Variants in GPHN observed in about 807,000 individuals in gnomAD.
GPHN encodes gephyrin.
A neutral mutation model predicts 95.5 loss-of-function variants in GPHN; 17 were observed. The ratio of observed to expected loss-of-function variants is 0.18; its 90% confidence interval spans 0.12 to 0.27. The LOEUF is 0.27. Among genes scored for constraint, GPHN ranks in the 10% least tolerant of loss-of-function variants. The pLI is 1.00. For missense variants in GPHN, 660 were observed against 978.1 expected (o/e 0.67, Z 4.34); for synonymous variants, 320 against 322.5 (o/e 0.99, Z 0.08).
intron 9 of GPHN, among the ~76,000 whole-genome samples, chr14:66,997,262 G>A (rs946817252): frequency 6.6e-6 from 1 of 151,722 alleles, no homozygotes. Flanking sequence ...AGCTACTCGA[G>A]AGGCTGAGGC....
chr14:67,663,546 C>T, the GPHN span, among the ~76,000 whole-genome samples: 8 of 151,512 alleles, frequency 5.3e-5, no homozygotes, highest in South Asian at 4.2e-4. Flanking sequence ...TGGTGGTGGG[C>T]GCCTGTATTC....
chr14:66,911,117 C>T (rs575657765), intron 5 of GPHN, among the ~76,000 whole-genome samples: 2 of 151,874 alleles, frequency 1.3e-5, no homozygotes, highest in African/African-American at 4.8e-5. Flanking sequence ...TATATAAGCA[C>T]CACATGGATG....
chr14:66,965,219 T>G lies in GPHN; in HGVS notation c.857T>G (p.Val286Gly), dbSNP rs988238172. 2 of 1,610,540 alleles carry G rather than the reference T, an allele frequency of 1.2e-6. No homozygotes were observed. The highest frequency in any genetic ancestry group is 1.7e-6 in the Non-Finnish European group (2 of 1,176,744). ...CCAGACTCCATCATTTCTCGTGGTG[T>G]TCAGGTGCTCCCACGAGACACAGCC... ...RIPDSIISRG[V>G]QVLPRDTASL... The change falls in exon 9 of 23, where the codon GTT becomes GGT. Residue 286 changes from valine to glycine, a missense_variant. By Grantham distance (109) the Val-to-Gly change is moderately radical. Around this residue, in one of 6 missense-constraint regions of GPHN, gnomAD observed 190 missense variants for 224.7 expected, o/e 0.85. Transcript: ENST00000478722.
intron 1 of GPHN, among the ~76,000 whole-genome samples, chr14:66,645,321 A>G (rs1319398856): frequency 6.6e-6 from 1 of 152,164 alleles, no homozygotes; most frequent in African/African-American, 2.4e-5. Context: ...ATTTATCCAG[A>G]TGAGTTTTTC....
chr14:67,134,035 C>T (rs1049032209), intron 17 of GPHN, among the ~76,000 whole-genome samples: 2 of 152,176 alleles, frequency 1.3e-5, no homozygotes, highest in African/African-American at 4.8e-5. Context: ...TCCCTCTATG[C>T]TTCAGTTTAT....
the GPHN span, among the ~76,000 whole-genome samples, chr14:67,639,924 CAAAAAAAAAAAA>C: frequency 1.6e-5 from 1 of 61,832 alleles, no homozygotes; most frequent in Non-Finnish European, 2.9e-5. Context: ...GACCCTGTCT[CAAAAAAAAAAAA>C]AAAAAAAAAA....
At chr14:66,910,472 A>G (rs1487160365) in intron 5 of GPHN, among the ~76,000 whole-genome samples, 1 of 151,968 alleles carries the variant, frequency 6.6e-6, no homozygotes, top group Admixed American at 6.6e-5. Context: ...TACAAACACT[A>G]TGGAAAATTA....
chr14:66,541,748 A>G lies in GPHN; in HGVS notation c.64+33157A>G, dbSNP rs184663525. 2.6e-3 allele frequency among the ~76,000 whole-genome samples: 399 copies of G among 152,322 alleles called. 3 individuals carry two copies. The highest frequency in any genetic ancestry group is 9.4e-3 in the African/African-American group (391 of 41,570). ...GGCCTGGTAAAATAGTTTAACTTTT[A>G]GTTTTGCATTAGGTTCATCCTTTTG... is the stretch of plus-strand genomic sequence containing the variant. On this transcript the variant is annotated intron_variant, in intron 1 of 22. Coordinates refer to ENST00000478722, the MANE Select transcript of GPHN (RefSeq NM_020806.5).
the GPHN span, among the ~76,000 whole-genome samples, chr14:67,243,354 A>G: frequency 1.4e-5 from 2 of 147,670 alleles, no homozygotes; most frequent in Non-Finnish European, 3.0e-5. Context: ...CACCTGGCTA[A>G]TTTTTGTATT....
chr14:67,673,293 G>A, the GPHN span, among the ~76,000 whole-genome samples: 4 of 151,996 alleles, frequency 2.6e-5, no homozygotes, highest in Non-Finnish European at 4.4e-5. Flanking sequence ...GCAGTGAGCC[G>A]AGATCGTGCC....
intron 9 of GPHN, among the ~76,000 whole-genome samples, chr14:67,010,574 GA>G (rs369497398): frequency 1.2e-4 from 17 of 144,164 alleles, no homozygotes; most frequent in East Asian, 4.0e-4. Context: ...AAAAAAGAAA[GA>G]AAAAAAAGAA....
At chr14:67,600,006 G>A in the GPHN span, 5 of 1,542,694 alleles carry the variant, frequency 3.2e-6, no homozygotes, top group East Asian at 9.8e-5. Flanking sequence ...GCGCGGGGAG[G>A]GGCCGACTTG....
At chr14:67,724,122 G>A in the GPHN span, among the ~76,000 whole-genome samples, 4 of 152,208 alleles carry the variant, frequency 2.6e-5, no homozygotes, top group African/African-American at 7.2e-5. Context: ...TTGAATGTAG[G>A]TTAGAGGGGA....
rs148016581 is a variant in GPHN, at chr14:66,582,269, C to T, written c.64+73678C>T. Among the ~76,000 whole-genome samples the T allele has an allele frequency of 5.1e-3, 768 of 151,740 alleles. 9 individuals are homozygous for T. The highest frequency in any genetic ancestry group is 9.1e-3 in the Non-Finnish European group (619 of 67,888). The stretch of plus-strand genomic sequence containing the variant: ...ATAAATTTGCACAAACTTACTTGGC[C>T]CTAAACAACCAAGAGTAAAACTGAA... On this transcript the variant is annotated intron_variant, in intron 1 of 22. Transcript: ENST00000478722.
chr14:66,509,934 C>G (rs1594768494), intron 1 of GPHN, among the ~76,000 whole-genome samples: 1 of 152,118 alleles, frequency 6.6e-6, no homozygotes, highest in Non-Finnish European at 1.5e-5. Context: ...ATATCCAAAG[C>G]CTCCTTTTTT....
chr14:67,555,903 G>C, the GPHN span: 3 of 1,612,012 alleles, frequency 1.9e-6, no homozygotes, highest in Admixed American at 3.3e-5. Context: ...CAGGGGAGGG[G>C]ATCGGCGGGA....
At chr14:66,725,853 T>C (rs545322941) in intron 2 of GPHN, among the ~76,000 whole-genome samples, 1 of 152,358 alleles carries the variant, frequency 6.6e-6, no homozygotes, top group Non-Finnish European at 1.5e-5. Context: ...AAGATAGTCA[T>C]GTATGCATGC....
chr14:66,975,801 G>A (rs925075405), intron 9 of GPHN, among the ~76,000 whole-genome samples: 2 of 152,104 alleles, frequency 1.3e-5, no homozygotes, highest in African/African-American at 4.8e-5. Flanking sequence ...GAACCCAGGC[G>A]GTTAAGGCTG....
At position 66,988,123 on chromosome 14, in the gene GPHN, CTT is replaced by C. The variant is rs763948011; in HGVS notation, c.963+22800_963+22801del. Among the ~76,000 whole-genome samples the C allele has an allele frequency of 9.9e-5, 15 of 151,026 alleles. No homozygotes were observed. The East Asian group carries it at 2.7e-3, about 27-fold the overall frequency. ...TTTCCTTTCTGTCTCTTTTCCCCCT[CTT>C]TCTTTCTTTTCTAGCTGCGGCTTCA... On this transcript the variant is annotated intron_variant, in intron 9 of 22. Transcript: ENST00000478722.
Sources: allele counts gnomAD v4.1 joint callset (sites outside exome capture counted in the v4.1 genomes callset), GRCh38; gene constraint gnomAD v4.1.1; regional missense constraint gnomAD v4.1.1; transcripts MANE v1.5; gene names NCBI Gene and HGNC (gene_info 2026-07-23, HGNC 2026-07-21).